The following TBCD variants were observed in gnomAD, a reference collection of about 807,000 sequenced individuals.
TBCD encodes tubulin folding cofactor D.
A neutral mutation model predicts 169.3 loss-of-function variants in TBCD; 105 were observed. That is an observed-to-expected ratio of 0.62 (90% CI 0.53 to 0.73). TBCD has a LOEUF of 0.73. TBCD is among the 30% of genes least tolerant of loss of function. The probability of loss-of-function intolerance (pLI) is 0.00; values close to 1 mark genes in which losing one functional copy is unlikely to be tolerated. For missense variants in TBCD, 1,444 were observed against 1,600.1 expected, an observed-to-expected ratio of 0.90 and a Z score of 1.66; for synonymous variants, 700 against 643.9, an observed-to-expected ratio of 1.09 and a Z score of -1.32.
intron 6 of TBCD, among the ~76,000 whole-genome samples, chr17:82,775,136 C>A (rs2048509552): frequency 6.6e-6 from 1 of 152,308 alleles, no homozygotes; most frequent in Middle Eastern, 3.4e-3. Flanking sequence ...GGACTCCCGG[C>A]GAGACACCGC....
At position 82,781,625 on chromosome 17, in the gene TBCD, G is replaced by A; in HGVS notation, c.675G>A (p.Met225Ile). The change falls in exon 7 of 39, where the codon ATG becomes ATA. Residue 225 changes from methionine (M) to isoleucine (I), a missense_variant. Coordinates refer to ENST00000355528, the MANE Select transcript of TBCD (RefSeq NM_005993.5). Reference sequence around the variant, plus strand: ...GTCCTGATGTCAAGCAAAGCAAGATGGCTGAGTTCCTGGACTGGAGCCTGT... The same window carrying A: ...GTCCTGATGTCAAGCAAAGCAAGATAGCTGAGTTCCTGGACTGGAGCCTGT... ...ITRPDVKQSK[M>I]AEFLDWSLCN... The A allele has an allele frequency of 1.9e-6, 3 of 1,613,860 alleles. No individual in the cohort carries two copies. Among genetic ancestry groups the A allele is most frequent in the Non-Finnish European group, 2.5e-6 (3 of 1,179,878 alleles).
chr17:82,763,415 A>G (rs2047866885), intron 2 of TBCD, among the ~76,000 whole-genome samples: 1 of 152,058 alleles, frequency 6.6e-6, no homozygotes, highest in South Asian at 2.1e-4. Flanking sequence ...TAACCTAGCT[A>G]TGTCTTTTTG....
chr17:82,771,115 AAAAC>A lies in TBCD; in HGVS notation c.583-1321_583-1318del, dbSNP rs112653730. Reference sequence around the variant, plus strand: ...TCTTCTAAGTGTATCGTTATGGGAAAAAACAAACAAACAAACAAAAAAAACCGAG... The same window carrying A: ...TCTTCTAAGTGTATCGTTATGGGAAAAAACAAACAAACAAAAAAAACCGAG... On this transcript the variant is annotated intron_variant, in intron 5 of 38. Transcript: ENST00000355528. 7.3e-3 allele frequency among the ~76,000 whole-genome samples: 1,102 copies of A among 151,648 alleles called. 12 individuals are homozygous for A. Among genetic ancestry groups the A allele is most frequent in the African/African-American group, 0.022 (913 of 41,334 alleles).
At chr17:82,797,409 A>T (rs910161460) in intron 7 of TBCD, among the ~76,000 whole-genome samples, 1 of 152,200 alleles carries the variant, frequency 6.6e-6, no homozygotes, top group Non-Finnish European at 1.5e-5. Context: ...GATAATTTTT[A>T]AAAACCTACT....
At chr17:82,802,873 C>T (rs1324650747) in intron 9 of TBCD, among the ~76,000 whole-genome samples, 1 of 152,252 alleles carries the variant, frequency 6.6e-6, no homozygotes, top group Non-Finnish European at 1.5e-5. Flanking sequence ...AGTTAAGCAT[C>T]ACAAGCACTG....
At position 82,760,963 on chromosome 17, in the gene TBCD, C is replaced by CT. The variant is rs34838658; in HGVS notation, c.236-2989dup. ...ATGTTTACTTCAATAGTTTTTCAGTCTTTTTTTTTTTTTGGAGACAAAGTC... is the reference window on the plus strand; with the variant it reads ...ATGTTTACTTCAATAGTTTTTCAGTCTTTTTTTTTTTTTTGGAGACAAAGTC... On this transcript the variant is annotated intron_variant, in intron 2 of 38. Transcript: ENST00000355528. Among the ~76,000 whole-genome samples, 944 of 144,324 alleles carry CT rather than the reference C, an allele frequency of 6.5e-3. 11 individuals are homozygous for CT. The highest frequency in any genetic ancestry group is 0.019 in the African/African-American group (761 of 39,554). The allele number at this position is 144,324 out of a possible 152,430, so 94.7% of individuals were successfully genotyped here.
intron 28 of TBCD, among the ~76,000 whole-genome samples, 182 bp downstream of exon 28, chr17:82,926,673 C>T (rs1013767186): frequency 7.9e-5 from 12 of 152,212 alleles, no homozygotes; most frequent in African/African-American, 1.2e-4. Flanking sequence ...CTGTCATAGT[C>T]GTAGTGAATG....
At chr17:82,755,963 C>T (rs936547495) in intron 1 of TBCD, among the ~76,000 whole-genome samples, 4 of 151,948 alleles carry the variant, frequency 2.6e-5, no homozygotes, top group African/African-American at 7.3e-5. Context: ...CCACAGTGGC[C>T]CTCAAAAGGC....
intron 27 of TBCD, 53 bp downstream of exon 27, chr17:82,925,110 T>C: frequency 7.1e-7 from 1 of 1,400,708 alleles, no homozygotes; most frequent in Middle Eastern, 2.3e-4. Flanking sequence ...TGTGGGAGCC[T>C]CGTGTGTTGG....
intron 13 of TBCD, among the ~76,000 whole-genome samples, chr17:82,858,273 A>G (rs947968622): frequency 4.6e-5 from 7 of 152,222 alleles, no homozygotes; most frequent in African/African-American, 1.4e-4. Context: ...AAGCTGTGAC[A>G]TATAAACATG....
chr17:82,774,713 G>A (rs1224233534), intron 6 of TBCD, among the ~76,000 whole-genome samples: 1 of 152,200 alleles, frequency 6.6e-6, no homozygotes, highest in Non-Finnish European at 1.5e-5. Context: ...GTCGTTTGTG[G>A]TGGGACATTT....
intron 13 of TBCD, among the ~76,000 whole-genome samples, chr17:82,867,681 T>TC (rs2057274907): frequency 6.6e-6 from 1 of 152,170 alleles, no homozygotes; most frequent in Non-Finnish European, 1.5e-5. Context: ...CTTATTAGAG[T>TC]CAGTGGCTTT....
intron 17 of TBCD, among the ~76,000 whole-genome samples, chr17:82,896,347 G>A (rs558047658): frequency 1.9e-4 from 29 of 152,188 alleles, no homozygotes; most frequent in African/African-American, 5.3e-4. Context: ...TCTTGTCTGG[G>A]TTGTCACAGG....
rs369055853 is a variant in TBCD at position 82,762,188 on chromosome 17, C to T, written c.236-1777C>T. Reference sequence around the variant, plus strand: ...AAAATTAGCCCAGTGTGGCGGTGTGCGCATGTAGTCCCAGCTACTTGGGAG... The same window carrying T: ...AAAATTAGCCCAGTGTGGCGGTGTGTGCATGTAGTCCCAGCTACTTGGGAG... On this transcript the variant is annotated intron_variant, in intron 2 of 38. Transcript: ENST00000355528. Among the ~76,000 whole-genome samples the T allele has an allele frequency of 3.1e-3, 467 of 151,112 alleles. 3 individuals are homozygous for T. Among genetic ancestry groups the T allele is most frequent in the South Asian group, 0.03 (142 of 4,762 alleles).
intron 23 of TBCD, among the ~76,000 whole-genome samples, chr17:82,917,625 G>A (rs1329400255): frequency 6.6e-6 from 1 of 152,204 alleles, no homozygotes; most frequent in Non-Finnish European, 1.5e-5. Context: ...GACGGGAGGC[G>A]GGTGCTTGCT....
chr17:82,781,773 A>G, intron 7 of TBCD, 52 bp downstream of exon 7: 4 of 1,599,090 alleles, frequency 2.5e-6, no homozygotes, highest in African/African-American at 1.3e-5. Flanking sequence ...GGCGCCTTAC[A>G]TGGGGACCAC....
At chr17:82,792,721 T>G (rs143674053) in intron 7 of TBCD, among the ~76,000 whole-genome samples, 9 of 152,308 alleles carry the variant, frequency 5.9e-5, no homozygotes, top group Middle Eastern at 3.4e-3. Context: ...CAAAGTTTGG[T>G]GAAAAATAAC....
chr17:82,870,327 C>G lies in TBCD; in HGVS notation c.1422C>G (p.Phe474Leu). The change falls in exon 14 of 39, where the codon TTC (phenylalanine) becomes TTG (leucine). Residue 474 changes from phenylalanine to leucine, a missense_variant. Phe to Leu is a conservative substitution (Grantham distance 22). Coordinates refer to ENST00000355528, the MANE Select transcript of TBCD (RefSeq NM_005993.5). Reference sequence around the variant, plus strand: ...CCGCCTGCTACGTGTGCTGGGCCTTCGCGCGTGCCTATGAGCCTCAGGAGC... The same window carrying G: ...CCGCCTGCTACGTGTGCTGGGCCTTGGCGCGTGCCTATGAGCCTCAGGAGC... ...RDAACYVCWA[F>L]ARAYEPQELK... is the part of the protein sequence containing the mutation. The G allele has an allele frequency of 1.2e-6, 2 of 1,613,498 alleles. No homozygotes were observed. The highest frequency in any genetic ancestry group is 1.7e-6 in the Non-Finnish European group (2 of 1,179,860).
chr17:82,820,259 T>G (rs2052304350), intron 13 of TBCD, among the ~76,000 whole-genome samples: 1 of 152,228 alleles, frequency 6.6e-6, no homozygotes, highest in South Asian at 2.1e-4. Flanking sequence ...ATTACAGGCG[T>G]GAGGCACTGC....
Sources: gnomAD v4.1 joint callset for allele counts (sites outside exome capture counted in the v4.1 genomes callset) on GRCh38, gnomAD v4.1.1 for gene constraint, MANE v1.5 for transcripts, NCBI Gene and HGNC (gene_info 2026-07-23, HGNC 2026-07-21) for gene names.